KRTAP4-5: variants seen among roughly 807,000 people sequenced by gnomAD.
The protein encoded by KRTAP4-5 is keratin associated protein 4-5.
For missense variants in KRTAP4-5, 199 were observed against 233.7 expected (o/e 0.85, Z 0.97); for synonymous variants, 73 against 83.6 (o/e 0.87, Z 0.69).
Position 41,149,591 on chromosome 17 carries a change from G to C in KRTAP4-5, c.177C>G (p.Ser59Arg). The C allele has an allele frequency of 6.4e-7, 1 of 1,558,394 alleles. No homozygotes were observed. The highest frequency in any genetic ancestry group is 8.7e-7 in the Non-Finnish European group (1 of 1,147,562). The change falls in exon 1 of 1, where the codon AGC becomes AGG. Residue 59 changes from serine to arginine, a missense_variant. Physicochemically the swap from Ser to Arg is moderately radical, Grantham distance 110 (BLOSUM62 -1). Transcript: ENST00000343246. ...VCYQPTCCHPSCCISSCCRPY... is the reference protein window; with the variant it reads ...VCYQPTCCHPRCCISSCCRPY... ...GGCGGCAGCAGCTGGAGATGCAGCA[G>C]CTAGGGTGGCAGCAGGTGGGCTGGT...
chr17:41,149,325 C>T lies in KRTAP4-5; in HGVS notation c.443G>A (p.Arg148His), dbSNP rs781567957. 7.4e-6 allele frequency: 12 copies of T among 1,611,358 alleles called. No homozygotes were observed. The highest frequency in any genetic ancestry group is 1.7e-4 in the Middle Eastern group (1 of 6,040). The change falls in exon 1 of 1, where the codon CGT (arginine) becomes CAT (histidine). Residue 148 changes from arginine (R) to histidine (H), a missense_variant. Coordinates refer to ENST00000343246, the MANE Select transcript of KRTAP4-5 (RefSeq NM_033188.4). Reference protein sequence around the residue: ...SSCCRPCCCVRPVCGRVSCHT... With the variant: ...SSCCRPCCCVHPVCGRVSCHT... ...GCAGGAGACTCGGCCACAGACTGGA[C>T]GCACGCAGCAGCAGGGGCGGCAGCA... is the stretch of plus-strand genomic sequence containing the variant.
chr17:41,149,204 A>G lies in KRTAP4-5; in HGVS notation c.*18T>C, dbSNP rs751227729. 1 of 1,576,112 alleles carries G rather than the reference A, an allele frequency of 6.3e-7. No individual in the cohort carries two copies. The highest frequency in any genetic ancestry group is 8.6e-7 in the Non-Finnish European group (1 of 1,159,812). On this transcript the variant is annotated 3_prime_UTR_variant, in exon 1 of 1. Transcript: ENST00000343246. ...CTAATGAAGACATTCATAGTATGAC[A>G]AATATCACAAGGAGACATTAGCAGC...
At position 41,149,625 on chromosome 17, in the gene KRTAP4-5, G is replaced by A. The variant is rs1285829526; in HGVS notation, c.143C>T (p.Ser48Phe). The change falls in exon 1 of 1, where the codon TCT becomes TTT. Residue 48 changes from serine to phenylalanine, a missense_variant. By Grantham distance (155) the Ser-to-Phe change is radical. Transcript: ENST00000343246. ...GCAGCAGGTGGGCTGGTAGCACACAGACTGGCAGCACTGGGGCTTGCAGCA... is the reference window on the plus strand; with the variant it reads ...GCAGCAGGTGGGCTGGTAGCACACAAACTGGCAGCACTGGGGCTTGCAGCA... ...PSCCKPQCCQ[S>F]VCYQPTCCHP... 2.5e-6 allele frequency: 4 copies of A among 1,613,266 alleles called. No homozygotes were observed. The highest frequency in any genetic ancestry group is 1.7e-4 in the Middle Eastern group (1 of 6,032).
chr17:41,149,538 C>A lies in KRTAP4-5; in HGVS notation c.230G>T (p.Arg77Leu), dbSNP rs141971374. The change falls in exon 1 of 1, where the codon CGC becomes CTC. Residue 77 changes from arginine to leucine, a missense_variant. Arg to Leu is a moderately radical substitution (Grantham distance 102, BLOSUM62 -2). Coordinates refer to ENST00000343246, the MANE Select transcript of KRTAP4-5 (RefSeq NM_033188.4). Reference protein sequence around the residue: ...RPYCCESSCCRPCCCQTTCCR... With the variant: ...RPYCCESSCCLPCCCQTTCCR... ...GCAGGTGGTCTGGCAGCAGCAGGGG[C>A]GGCAGCAGCTGGATTCACAGCAATA... 264 of 1,514,048 alleles carry A rather than the reference C, an allele frequency of 1.7e-4. No homozygotes were observed. In the African/African-American group the frequency reaches 3.4e-3, roughly 20 times the overall value. The allele number at this position is 1,514,048 out of a possible 1,614,324, so 93.8% of individuals were successfully genotyped here.
rs1383426029 is a variant in KRTAP4-5 at position 41,149,461 on chromosome 17, A to T, written c.307T>A (p.Ser103Thr). 6.2e-7 allele frequency: 1 copy of T among 1,600,708 alleles called. No homozygotes were observed. The highest frequency in any genetic ancestry group is 1.7e-5 in the Admixed American group (1 of 59,008). The change falls in exon 1 of 1, where the codon TCC becomes ACC. Residue 103 changes from serine to threonine, a missense_variant. Coordinates refer to ENST00000343246, the MANE Select transcript of KRTAP4-5 (RefSeq NM_033188.4). ...CAGCACTGGGGTCTGCAGCAGCTGG[A>T]CACACAGCAGCTGGGGCAGCAGCAG... ...TTCCCPSCCV[S>T]SCCRPQCCQS...
In KRTAP4-5 at chr17:41,149,446, G is replaced by T; in HGVS notation, c.322C>A (p.Pro108Thr). Residue 108 changes from proline to threonine, a missense_variant, in exon 1 of 1, where the codon CCC (proline) becomes ACC (threonine). By Grantham distance (38) the Pro-to-Thr change is conservative. Transcript: ENST00000343246. ...PSCCVSSCCR[P>T]QCCQSVCCQP... ...CAGCACACAGACTGGCAGCACTGGG[G>T]TCTGCAGCAGCTGGACACACAGCAG... is the stretch of plus-strand genomic sequence containing the variant. 6.2e-7 allele frequency: 1 copy of T among 1,612,864 alleles called. No homozygotes were observed. The highest frequency in any genetic ancestry group is 1.1e-5 in the South Asian group (1 of 91,004).
Position 41,149,146 on chromosome 17 carries a change from A to C in KRTAP4-5, c.*76T>G. The C allele has an allele frequency of 6.7e-7, 1 of 1,486,148 alleles. No individual in the cohort carries two copies. The highest frequency in any genetic ancestry group is 2.3e-5 in the Admixed American group (1 of 44,196). 92.1% of individuals were successfully genotyped at this position (1,486,148 alleles called of 1,614,324 possible). On this transcript the variant is annotated 3_prime_UTR_variant, in exon 1 of 1. Coordinates refer to ENST00000343246, the MANE Select transcript of KRTAP4-5 (RefSeq NM_033188.4). ...CTGGCAGGGAAGTGTTCATTTTTCC[A>C]GTGACTGGCTGGCTACAGTGCATTT... is the stretch of plus-strand genomic sequence containing the variant.
rs745523790 is a variant in KRTAP4-5 at position 41,149,607 on chromosome 17, G to T, written c.161C>A (p.Thr54Asn). Residue 54 changes from threonine (T) to asparagine (N), a missense_variant, in exon 1 of 1, where the codon ACC (threonine) becomes AAC (asparagine). Coordinates refer to ENST00000343246, the MANE Select transcript of KRTAP4-5 (RefSeq NM_033188.4). Reference sequence around the variant, plus strand: ...GATGCAGCAGCTAGGGTGGCAGCAGGTGGGCTGGTAGCACACAGACTGGCA... The same window carrying T: ...GATGCAGCAGCTAGGGTGGCAGCAGTTGGGCTGGTAGCACACAGACTGGCA... ...QCCQSVCYQP[T>N]CCHPSCCISS... is the part of the protein sequence containing the mutation. 35 of 1,610,978 alleles carry T rather than the reference G, an allele frequency of 2.2e-5. No homozygotes were observed. The East Asian group carries it at 7.6e-4, about 35-fold the overall frequency.
Position 41,149,523 on chromosome 17 carries a change from T to TGACAGCAGCTGGGGC in KRTAP4-5, c.244_245insGCCCCAGCTGCTGTC (p.Cys81_Gln82insArgProSerCysCys). The TGACAGCAGCTGGGGC allele has an allele frequency of 6.3e-7, 1 of 1,582,650 alleles. No individual in the cohort carries two copies. The highest frequency in any genetic ancestry group is 1.4e-5 in the African/African-American group (1 of 69,908). On this transcript the variant is annotated inframe_insertion, in exon 1 of 1. Transcript: ENST00000343246. ...GCAGGTGGTCCTGCAGCAGGTGGTCTGGCAGCAGCAGGGGCGGCAGCAGCT... is the reference window on the plus strand; with the variant it reads ...GCAGGTGGTCCTGCAGCAGGTGGTCTGACAGCAGCTGGGGCGGCAGCAGCAGGGGCGGCAGCAGCT...
Position 41,149,153 on chromosome 17 carries a change from G to T in KRTAP4-5, c.*69C>A. ...GGAAGTGTTCATTTTTCCAGTGACT[G>T]GCTGGCTACAGTGCATTTTAAATGA... On this transcript the variant is annotated 3_prime_UTR_variant, in exon 1 of 1. Transcript: ENST00000343246. The T allele has an allele frequency of 6.7e-7, 1 of 1,491,522 alleles. No homozygotes were observed. The highest frequency in any genetic ancestry group is 2.2e-5 in the Admixed American group (1 of 45,538). 92.4% of individuals were successfully genotyped at this position (1,491,522 alleles called of 1,614,324 possible). A position where few individuals can be genotyped will look rare whatever the true frequency, so the allele number is the denominator to read the frequency against.
Position 41,149,582 on chromosome 17 carries a change from G to A in KRTAP4-5, c.186C>T (p.Ile62=). 1 of 1,555,030 alleles carries A rather than the reference G, an allele frequency of 6.4e-7. No homozygotes were observed. Among genetic ancestry groups the A allele is most frequent in the South Asian group, 1.2e-5 (1 of 83,860 alleles). The change falls in exon 1 of 1, where the codon ATC becomes ATT. Residue 62 remains isoleucine (I), a synonymous_variant. Coordinates refer to ENST00000343246, the MANE Select transcript of KRTAP4-5 (RefSeq NM_033188.4). ...QPTCCHPSCC[I]SSCCRPYCCE... ...AGCAATAGGGGCGGCAGCAGCTGGA[G>A]ATGCAGCAGCTAGGGTGGCAGCAGG...
At position 41,148,926 on chromosome 17, in the gene KRTAP4-5, AG is replaced by A. The variant is rs1402893633; in HGVS notation, c.*295del. ...TAACAAATCAGAAGATTTCAATATT[AG>A]GGAAGTGGCTGTTTATTAATACATG... On this transcript the variant is annotated 3_prime_UTR_variant, in exon 1 of 1. Coordinates refer to ENST00000343246, the MANE Select transcript of KRTAP4-5 (RefSeq NM_033188.4). The A allele has an allele frequency of 7.3e-6, 4 of 551,080 alleles. No homozygotes were observed. In the East Asian group the frequency reaches 9.6e-5, roughly 13 times the overall value. The allele number at this position is 551,080 out of a possible 1,614,324, so 34.1% of individuals were successfully genotyped here.
chr17:41,149,445 G>A lies in KRTAP4-5; in HGVS notation c.323C>T (p.Pro108Leu). ...GCAGCACACAGACTGGCAGCACTGG[G>A]GTCTGCAGCAGCTGGACACACAGCA... ...PSCCVSSCCRPQCCQSVCCQP... is the reference protein window; with the variant it reads ...PSCCVSSCCRLQCCQSVCCQP... The change falls in exon 1 of 1, where the codon CCC becomes CTC. Residue 108 changes from proline to leucine, a missense_variant. By Grantham distance (98) the Pro-to-Leu change is moderately conservative. Transcript: ENST00000343246. The A allele has an allele frequency of 6.2e-7, 1 of 1,613,348 alleles. No individual in the cohort carries two copies. The highest frequency in any genetic ancestry group is 8.5e-7 in the Non-Finnish European group (1 of 1,179,886).
In KRTAP4-5 at chr17:41,149,684, G is replaced by A. The variant is rs1179124345; in HGVS notation, c.84C>T (p.Thr28=). Residue 28 remains threonine, a synonymous_variant, in exon 1 of 1, where the codon ACC becomes ACT. Coordinates refer to ENST00000343246, the MANE Select transcript of KRTAP4-5 (RefSeq NM_033188.4). The stretch of plus-strand genomic sequence containing the variant: ...GGCAGCAGGTGGTCCTGCAGCAGGT[G>A]GTCTGGCAGCAGCTGGGGCGGCAGC... ...ENCCRPSCCQ[T]TCCRTTCCRP... The A allele has an allele frequency of 4.3e-6, 7 of 1,610,246 alleles. No individual in the cohort carries two copies. The highest frequency in any genetic ancestry group is 2.2e-5 in the East Asian group (1 of 44,836).
In KRTAP4-5 at chr17:41,149,354, G is replaced by T. The variant is rs759334960; in HGVS notation, c.414C>A (p.Ser138=). 2 of 1,613,634 alleles carry T rather than the reference G, an allele frequency of 1.2e-6. No homozygotes were observed. Among genetic ancestry groups the T allele is most frequent in the South Asian group, 2.2e-5 (2 of 91,052 alleles). Residue 138 remains serine (S), a synonymous_variant, in exon 1 of 1, where the codon TCC becomes TCA. Coordinates refer to ENST00000343246, the MANE Select transcript of KRTAP4-5 (RefSeq NM_033188.4). ...SSCCHPSCCE[S]SCCRPCCCVR... is the part of the protein sequence containing the mutation. ...CGCAGCAGCAGGGGCGGCAGCAGCT[G>T]GATTCACAGCAAGAGGGGTGGCAGC...
At position 41,149,201 on chromosome 17, in the gene KRTAP4-5, G is replaced by A; in HGVS notation, c.*21C>T. On this transcript the variant is annotated 3_prime_UTR_variant, in exon 1 of 1. Coordinates refer to ENST00000343246, the MANE Select transcript of KRTAP4-5 (RefSeq NM_033188.4). ...TGACTAATGAAGACATTCATAGTAT[G>A]ACAAATATCACAAGGAGACATTAGC... 2 of 1,570,858 alleles carry A rather than the reference G, an allele frequency of 1.3e-6. No individual in the cohort carries two copies. Among genetic ancestry groups the A allele is most frequent in the South Asian group, 1.2e-5 (1 of 85,000 alleles).
Position 41,149,253 on chromosome 17 carries a change from C to T in KRTAP4-5, c.515G>A (p.Arg172His), listed in dbSNP as rs747225665. ...RPTCVISTCP[R>H]PLCCASSCC The stretch of plus-strand genomic sequence containing the variant: ...GCAAGAGGAGGCACAGCACAAGGGG[C>T]GGGGGCAGGTGGAGATGACACAGGT... Residue 172 changes from arginine to histidine, a missense_variant, in exon 1 of 1, where the codon CGC (arginine) becomes CAC (histidine). Coordinates refer to ENST00000343246, the MANE Select transcript of KRTAP4-5 (RefSeq NM_033188.4). 7 of 1,607,040 alleles carry T rather than the reference C, an allele frequency of 4.4e-6. No homozygotes were observed. The highest frequency in any genetic ancestry group is 1.1e-5 in the South Asian group (1 of 89,902).
At position 41,149,373 on chromosome 17, in the gene KRTAP4-5, T is replaced by C. The variant is rs781432844; in HGVS notation, c.395A>G (p.His132Arg). ...GCAGCTGGATTCACAGCAAGAGGGGTGGCAGCAGCTGGAGATGCAGCAGCT... is the reference window on the plus strand; with the variant it reads ...GCAGCTGGATTCACAGCAAGAGGGGCGGCAGCAGCTGGAGATGCAGCAGCT... The part of the protein sequence containing the change: ...RPSCCISSCC[H>R]PSCCESSCCR... Residue 132 changes from histidine to arginine, a missense_variant, in exon 1 of 1, where the codon CAC becomes CGC. By Grantham distance (29) the His-to-Arg change is conservative (BLOSUM62 0). Transcript: ENST00000343246. 2.2e-5 allele frequency: 35 copies of C among 1,604,688 alleles called. No homozygotes were observed. The highest frequency in any genetic ancestry group is 1.8e-4 in the African/African-American group (13 of 71,604).
In KRTAP4-5 at chr17:41,149,670, G is replaced by T; in HGVS notation, c.98C>A (p.Thr33Asn). ...PSCCQTTCCRTTCCRPSCCKP... is the reference protein window; with the variant it reads ...PSCCQTTCCRNTCCRPSCCKP... Reference sequence around the variant, plus strand: ...GCAGCAGCTGGGGCGGCAGCAGGTGGTCCTGCAGCAGGTGGTCTGGCAGCA... The same window carrying T: ...GCAGCAGCTGGGGCGGCAGCAGGTGTTCCTGCAGCAGGTGGTCTGGCAGCA... The change falls in exon 1 of 1, where the codon ACC (threonine) becomes AAC (asparagine). Residue 33 changes from threonine (T) to asparagine (N), a missense_variant. Thr to Asn is a moderately conservative substitution (Grantham distance 65). Coordinates refer to ENST00000343246, the MANE Select transcript of KRTAP4-5 (RefSeq NM_033188.4). 6.2e-7 allele frequency: 1 copy of T among 1,610,652 alleles called. No individual in the cohort carries two copies. The highest frequency in any genetic ancestry group is 8.5e-7 in the Non-Finnish European group (1 of 1,177,190).
Sources: gnomAD v4.1 joint callset for allele counts on GRCh38, gnomAD v4.1.1 for gene constraint, MANE v1.5 for transcripts, NCBI Gene and HGNC (gene_info 2026-07-23, HGNC 2026-07-21) for gene names.